The following CDHR2 variants were observed in gnomAD, a reference collection of about 807,000 sequenced individuals.
The protein encoded by CDHR2 is cadherin-related family member 2.
Under a neutral mutation model 138.6 loss-of-function variants are expected in CDHR2, and 104 were observed. That is an observed-to-expected ratio of 0.75 (90% CI 0.64 to 0.88). The LOEUF (loss-of-function observed/expected upper bound fraction) is 0.88, where lower values mean the gene tolerates loss of function less well. CDHR2 is among the 40% of genes least tolerant of loss of function. The pLI, the probability that CDHR2 is intolerant of heterozygous loss-of-function variation, is 0.00. For synonymous variants in CDHR2, 755 were observed against 742.8 expected (o/e 1.02, Z -0.27); for missense variants, 1,624 against 1,727.6 (o/e 0.94, Z 1.06).
At chr5:176,587,848 G>C (rs893107967) in intron 21 of CDHR2, among the ~76,000 whole-genome samples, 2 of 152,192 alleles carry the variant, frequency 1.3e-5, no homozygotes, top group Non-Finnish European at 2.9e-5. Flanking sequence ...CTAGGTTGAC[G>C]TTCATGCTAG....
intron 7 of CDHR2, among the ~76,000 whole-genome samples, chr5:176,574,857 A>T (rs1758327679): frequency 1.3e-5 from 2 of 152,184 alleles, no homozygotes; most frequent in Admixed American, 1.3e-4. Flanking sequence ...AGCCACAGAG[A>T]TGGAGGGCCG....
chr5:176,563,671 C>T (rs1758020647), intron 1 of CDHR2, among the ~76,000 whole-genome samples: 1 of 152,060 alleles, frequency 6.6e-6, no homozygotes, highest in African/African-American at 2.4e-5. Flanking sequence ...TATTGTGTGT[C>T]GCCTGTAAAA....
intron 1 of CDHR2, among the ~76,000 whole-genome samples, chr5:176,564,183 T>A (rs1427671963): frequency 1.3e-5 from 2 of 152,126 alleles, no homozygotes; most frequent in Non-Finnish European, 2.9e-5. Context: ...ATCAGTTGTC[T>A]TTGGGGATTC....
At chr5:176,567,164 G>C in intron 3 of CDHR2, 1 of 318,424 alleles carries the variant, frequency 3.1e-6, no homozygotes. Context: ...AGGGAGGAGT[G>C]CACAGGACTT....
intron 1 of CDHR2, among the ~76,000 whole-genome samples, chr5:176,557,013 TC>T (rs756746810): frequency 0.15 from 11,174 of 72,732 alleles, 1,084 homozygotes; most frequent in African/African-American, 0.31. Flanking sequence ...TCTCTCTCTC[TC>T]TCTTTTTTTT....
intron 2 of CDHR2, 30 bp downstream of exon 2, chr5:176,565,434 C>A: frequency 1.2e-6 from 2 of 1,607,450 alleles, no homozygotes; most frequent in Non-Finnish European, 1.7e-6. Flanking sequence ...AGCCACGCAG[C>A]CCTAACCTAG....
intron 4 of CDHR2, 58 bp downstream of exon 4, chr5:176,568,875 G>C (rs1327206105): frequency 1.9e-6 from 3 of 1,611,168 alleles, no homozygotes; most frequent in Non-Finnish European, 2.5e-6. Flanking sequence ...GGAGGGCCCT[G>C]GGAGCCCGCG....
chr5:176,550,901 G>T (rs1757689525), intron 1 of CDHR2, among the ~76,000 whole-genome samples: 1 of 151,948 alleles, frequency 6.6e-6, no homozygotes, highest in Non-Finnish European at 1.5e-5. Flanking sequence ...CTGAAGAGCT[G>T]GCACCTCCTG....
At chr5:176,570,037 C>A (rs1278749879) in intron 5 of CDHR2, among the ~76,000 whole-genome samples, 1 of 152,082 alleles carries the variant, frequency 6.6e-6, no homozygotes, top group Non-Finnish European at 1.5e-5. Context: ...AAGTGTTGAC[C>A]GTTACTGTAT....
rs1758627853 is a variant in CDHR2, at chr5:176,585,034, G to T, written c.2734+19G>T. The stretch of plus-strand genomic sequence containing the variant: ...AACAATGGTAAGGCAGCCTGTCCTT[G>T]CAGGGCTTGGCAGGCCATAGCTTAG... On this transcript the variant is annotated intron_variant, in intron 19 of 31. Transcript: ENST00000261944. 7.2e-6 allele frequency: 11 copies of T among 1,529,414 alleles called. No homozygotes were observed. The highest frequency in any genetic ancestry group is 9.7e-6 in the Non-Finnish European group (11 of 1,133,634). The allele number at this position is 1,529,414 out of a possible 1,614,324, so 94.7% of individuals were successfully genotyped here.
At chr5:176,561,060 T>G (rs749545932) in intron 1 of CDHR2, among the ~76,000 whole-genome samples, 1 of 152,148 alleles carries the variant, frequency 6.6e-6, no homozygotes, top group Non-Finnish European at 1.5e-5. Flanking sequence ...GAACCAGGAA[T>G]GGGAACTCCA....
chr5:176,567,429 CAA>C (rs1289573639), intron 3 of CDHR2, among the ~76,000 whole-genome samples: 1 of 152,178 alleles, frequency 6.6e-6, no homozygotes, highest in African/African-American at 2.4e-5. Context: ...CTCGGCTTCC[CAA>C]AGTGCTGGGA....
At chr5:176,572,586 C>T (rs533908024) in intron 6 of CDHR2, among the ~76,000 whole-genome samples, 5 of 152,118 alleles carry the variant, frequency 3.3e-5, no homozygotes, top group South Asian at 2.1e-4. Context: ...GGGTCTGCAT[C>T]GTGGGCCTTC....
intron 1 of CDHR2, among the ~76,000 whole-genome samples, chr5:176,563,159 C>A (rs577097831): frequency 1.3e-5 from 2 of 152,090 alleles, no homozygotes; most frequent in African/African-American, 4.8e-5. Flanking sequence ...ACCAGCCTGG[C>A]CAACACGGTG....
chr5:176,589,702 T>C, intron 24 of CDHR2, 86 bp downstream of exon 24: 1 of 1,136,680 alleles, frequency 8.8e-7, no homozygotes, highest in Non-Finnish European at 1.3e-6. Flanking sequence ...GGGATGTCTC[T>C]CAATCCTGTT....
chr5:176,582,282 G>A (rs1758550298), intron 17 of CDHR2, among the ~76,000 whole-genome samples: 1 of 152,132 alleles, frequency 6.6e-6, no homozygotes, highest in Admixed American at 6.5e-5. Context: ...GGCCTCCTAA[G>A]TAGCTAAGAC....
At chr5:176,583,349 G>A (rs116576506) in intron 17 of CDHR2, among the ~76,000 whole-genome samples, 515 of 152,336 alleles carry the variant, frequency 3.4e-3, no homozygotes, top group Non-Finnish European at 5.9e-3. Context: ...GGTCTTGTGC[G>A]TGGAGCCAAT....
At chr5:176,567,045 A>G (rs764707966) in intron 3 of CDHR2, 2 of 456,108 alleles carry the variant, frequency 4.4e-6, no homozygotes, top group Non-Finnish European at 8.8e-6. Context: ...TCCCCTGATC[A>G]AGAGAAAGTA....
Position 176,571,236 on chromosome 5 carries a change from T to G in CDHR2, c.339T>G (p.Ile113Met). The G allele has an allele frequency of 6.2e-7, 1 of 1,612,814 alleles. No homozygotes were observed. The highest frequency in any genetic ancestry group is 8.5e-7 in the Non-Finnish European group (1 of 1,179,568). Residue 113 changes from isoleucine to methionine, a missense_variant, in exon 6 of 32, where the codon ATT (isoleucine) becomes ATG (methionine). By Grantham distance (10) the Ile-to-Met change is conservative. This residue lies in a region of CDHR2 where 1,061 missense variants were observed against 1,136.6 expected (regional missense o/e 0.93). Transcript: ENST00000261944. ...YIQVQREMLV[I>M]VEDRNDNAPV... ...AGGTGCAGAGGGAGATGCTGGTGAT[T>G]GTGGAAGATAGAAACGACAACGCAC...
Sources: allele counts gnomAD v4.1 joint callset (sites outside exome capture counted in the v4.1 genomes callset), GRCh38; gene constraint gnomAD v4.1.1; regional missense constraint gnomAD v4.1.1; transcripts MANE v1.5; gene names NCBI Gene and HGNC (gene_info 2026-07-23, HGNC 2026-07-21).